LDB1: variants seen among roughly 807,000 people sequenced by gnomAD.
LDB1 encodes LIM domain binding 1.
A neutral mutation model predicts 49.7 loss-of-function variants in LDB1; 6 were observed. The observed-to-expected ratio is 0.12, with a 90% confidence interval of 0.07 to 0.24. The LOEUF is 0.24. Ranked by LOEUF, LDB1 falls within the 10% of genes least tolerant of loss-of-function variation. LDB1 has a pLI of 1.00. For synonymous variants in LDB1, 233 were observed against 202.0 expected, an observed-to-expected ratio of 1.15 and a Z score of -1.30; for missense variants, 341 against 561.7, an observed-to-expected ratio of 0.61 and a Z score of 3.97.
At position 102,116,077 on chromosome 10, in the gene LDB1, C is replaced by G. The variant is rs528125204; in HGVS notation, c.25+4009G>C. Among the ~76,000 whole-genome samples, 141 of 152,326 alleles carry G rather than the reference C, an allele frequency of 9.3e-4. 1 individual carries two copies. The highest frequency in any genetic ancestry group is 9.2e-3 in the Admixed American group (140 of 15,298). On this transcript the variant is annotated intron_variant, in intron 1 of 10. Transcript: ENST00000673968. ...GACAGGATTTCTTATGACATACTCA[C>G]TAGTTAACTGTGCAGTAATATTGCA... is the stretch of plus-strand genomic sequence containing the variant.
chr10:102,107,810 C>T lies in LDB1; in HGVS notation c.*283G>A, dbSNP rs966741724. On this transcript the variant is annotated 3_prime_UTR_variant, in exon 11 of 11. Coordinates refer to ENST00000673968, the MANE Select transcript of LDB1 (RefSeq NM_001113407.3). ...CTGGGGTGAAGATGGAGGCAAATGC[C>T]CTGGGGGGTGGTCAGGACATGTCTC... 4 of 498,370 alleles carry T rather than the reference C, an allele frequency of 8.0e-6. No individual in the cohort carries two copies. The highest frequency in any genetic ancestry group is 7.7e-5 in the African/African-American group (4 of 51,870). The allele number at this position is 498,370 out of a possible 1,614,324, so 30.9% of individuals were successfully genotyped here. A position where few individuals can be genotyped will look rare whatever the true frequency, so the allele number is the denominator to read the frequency against.
At chr10:102,105,877 T>C (rs2068154297), downstream of LDB1, among the ~76,000 whole-genome samples, 1 of 151,290 alleles carries the variant, frequency 6.6e-6, no homozygotes, top group Admixed American at 6.6e-5. Context: ...CTTGGAAGGC[T>C]GAGGCAGGAG....
chr10:102,109,675 G>A lies in LDB1; in HGVS notation c.657C>T (p.Asp219=). Residue 219 remains aspartate (D), a synonymous_variant, in exon 8 of 11, where the codon GAC becomes GAT. Coordinates refer to ENST00000673968, the MANE Select transcript of LDB1 (RefSeq NM_001113407.3). This position sits in a 1 kb window ranked among gnomAD's most constrained non-coding sequence, Gnocchi z 5.8. ...TGGAGAGCTGATCCAACATCTGGGG[G>A]TCTTGGGCCTAGAGTGGGAGAAAAG... ...PRSILAMHAQ[D]PQMLDQLSKN... is the part of the protein sequence containing the mutation. The A allele has an allele frequency of 6.2e-7, 1 of 1,614,064 alleles. No individual in the cohort carries two copies. Among genetic ancestry groups the A allele is most frequent in the South Asian group, 1.1e-5 (1 of 91,070 alleles).
At chr10:102,108,855 A>G in intron 10 of LDB1, 174 bp downstream of exon 10, 1 of 799,250 alleles carries the variant, frequency 1.3e-6, no homozygotes, top group Non-Finnish European at 2.1e-6. Context: ...GATCACACCC[A>G]TGCAAGTGCC....
intron 1 of LDB1, 70 bp from the exon 2 acceptor site, chr10:102,111,606 C>G (rs2068255718): frequency 2.3e-6 from 2 of 878,748 alleles, no homozygotes; most frequent in South Asian, 3.8e-5. Context: ...CTTTGGGAGT[C>G]CAAGGCAAGA....
chr10:102,111,386 G>C, intron 2 of LDB1, 48 bp downstream of exon 2: 1 of 1,600,582 alleles, frequency 6.2e-7, no homozygotes, highest in East Asian at 2.2e-5. Context: ...TTTCCAGGCA[G>C]GATCCCACCT....
At position 102,114,667 on chromosome 10, in the gene LDB1, TG is replaced by T; in HGVS notation, c.26-3132del. ...GGGGCCGGGGGCCAGGGGGCCGGCC[TG>T]GGGGGCGGGGGGCCGCGGGGAGTCC... is the stretch of plus-strand genomic sequence containing the variant. On this transcript the variant is annotated intron_variant, in intron 1 of 10. Coordinates refer to ENST00000673968, the MANE Select transcript of LDB1 (RefSeq NM_001113407.3). The T allele has an allele frequency of 7.1e-6, 6 of 846,376 alleles. No homozygotes were observed. In the South Asian group the frequency reaches 3.2e-4, roughly 46 times the overall value. The allele number at this position is 846,376 out of a possible 1,614,324, so 52.4% of individuals were successfully genotyped here.
intron 1 of LDB1, among the ~76,000 whole-genome samples, chr10:102,115,909 A>G (rs550690892): frequency 6.6e-6 from 1 of 152,146 alleles, no homozygotes; most frequent in Admixed American, 6.5e-5. Context: ...AGGAAAATAC[A>G]TAGTACACAC....
chr10:102,116,898 C>T (rs1470178933), intron 1 of LDB1, among the ~76,000 whole-genome samples: 5 of 152,062 alleles, frequency 3.3e-5, no homozygotes, highest in African/African-American at 1.2e-4. Context: ...TTTAAACTTT[C>T]CAAAGTGCAT....
At chr10:102,111,383 G>A in intron 2 of LDB1, 51 bp downstream of exon 2, 1 of 1,599,152 alleles carries the variant, frequency 6.3e-7, no homozygotes, top group African/African-American at 1.3e-5. Context: ...CCCTTTCCAG[G>A]CAGGATCCCA....
intron 6 of LDB1, 54 bp from the exon 7 acceptor site, chr10:102,110,097 G>A (rs941379660): frequency 4.1e-5 from 64 of 1,576,030 alleles, no homozygotes; most frequent in Non-Finnish European, 5.2e-5. Context: ...ATACCTGAAG[G>A]TATGTCTATT....
In LDB1 at chr10:102,107,203, G is replaced by A. The variant is rs147322651; in HGVS notation, c.*890C>T. ...AGACAGCTGCTCTTGTGGAGGACTT[G>A]TAAGGAATATACATACCATGGGGGT... is the stretch of plus-strand genomic sequence containing the variant. On this transcript the variant is annotated 3_prime_UTR_variant, in exon 11 of 11. Transcript: ENST00000673968. Among the ~76,000 whole-genome samples the A allele has an allele frequency of 6.6e-6, 1 of 152,242 alleles. No homozygotes were observed. The highest frequency in any genetic ancestry group is 1.9e-4 in the East Asian group (1 of 5,174).
Position 102,109,366 on chromosome 10 carries a change from C to G in LDB1, c.856+18G>C. The G allele has an allele frequency of 6.2e-7, 1 of 1,613,678 alleles. No individual in the cohort carries two copies. Among genetic ancestry groups the G allele is most frequent in the Non-Finnish European group, 8.5e-7 (1 of 1,179,940 alleles). On this transcript the variant is annotated intron_variant, in intron 9 of 10. Coordinates refer to ENST00000673968, the MANE Select transcript of LDB1 (RefSeq NM_001113407.3). The surrounding 1 kb of genome is among the most constrained non-coding windows in gnomAD (Gnocchi z 5.8). Reference sequence around the variant, plus strand: ...GAGCGGTGTGAGATCCTGGTAAGAGCAGGTGCAAGGCACTCACCAGGGGGT... The same window carrying G: ...GAGCGGTGTGAGATCCTGGTAAGAGGAGGTGCAAGGCACTCACCAGGGGGT...
At chr10:102,111,761 G>C (rs1426111286) in intron 1 of LDB1, among the ~76,000 whole-genome samples, 1 of 152,160 alleles carries the variant, frequency 6.6e-6, no homozygotes, top group Non-Finnish European at 1.5e-5. Context: ...TGAGGCAGGA[G>C]GATCACTTGA....
chr10:102,116,053 A>G (rs1476560784), intron 1 of LDB1, among the ~76,000 whole-genome samples: 2 of 152,194 alleles, frequency 1.3e-5, no homozygotes, highest in East Asian at 1.9e-4. Flanking sequence ...AACTCCAAGG[A>G]CAGGATTTCT....
rs1231012719 is a variant in LDB1, at chr10:102,108,042, G to A, written c.*51C>T. Reference sequence around the variant, plus strand: ...ATTCTGTCTTCTGCTCCCTGGGGCTGTGAGGGGTGGGGCAGGTAGGCAGAG... The same window carrying A: ...ATTCTGTCTTCTGCTCCCTGGGGCTATGAGGGGTGGGGCAGGTAGGCAGAG... On this transcript the variant is annotated 3_prime_UTR_variant, in exon 11 of 11. Coordinates refer to ENST00000673968, the MANE Select transcript of LDB1 (RefSeq NM_001113407.3). The A allele has an allele frequency of 7.3e-7, 1 of 1,372,516 alleles. No individual in the cohort carries two copies. Among genetic ancestry groups the A allele is most frequent in the Non-Finnish European group, 1.0e-6 (1 of 964,634 alleles). The allele number at this position is 1,372,516 out of a possible 1,614,324, so 85.0% of individuals were successfully genotyped here. A position where few individuals can be genotyped will look rare whatever the true frequency, so the allele number is the denominator to read the frequency against.
At chr10:102,115,696 C>T (rs980985800) in intron 1 of LDB1, among the ~76,000 whole-genome samples, 5 of 152,050 alleles carry the variant, frequency 3.3e-5, no homozygotes, top group Admixed American at 6.6e-5. Context: ...CCAGAAGGAG[C>T]TTAGTTTGCT....
chr10:102,113,922 A>G (rs1271629358), intron 1 of LDB1, among the ~76,000 whole-genome samples: 1 of 152,174 alleles, frequency 6.6e-6, no homozygotes, highest in East Asian at 1.9e-4. Context: ...ATCTCTCCAG[A>G]GCCACAACTC....
rs2068171313 is a variant in LDB1, at chr10:102,106,990, C to T, written c.*1103G>A. On this transcript the variant is annotated 3_prime_UTR_variant, in exon 11 of 11. Coordinates refer to ENST00000673968, the MANE Select transcript of LDB1 (RefSeq NM_001113407.3). ...GGGATGTCATCTGTGGCTCCTTCCC[C>T]TCTATGAAGGACAGAGTAGGATTAC... 6.6e-6 allele frequency among the ~76,000 whole-genome samples: 1 copy of T among 152,162 alleles called. No homozygotes were observed. Among genetic ancestry groups the T allele is most frequent in the African/African-American group, 2.4e-5 (1 of 41,424 alleles).
Sources: allele counts gnomAD v4.1 joint callset (sites outside exome capture counted in the v4.1 genomes callset), GRCh38; gene constraint gnomAD v4.1.1; non-coding constraint Gnocchi (gnomAD v3.1); transcripts MANE v1.5; gene names NCBI Gene and HGNC (gene_info 2026-07-23, HGNC 2026-07-21).